SPATA7: variants seen among roughly 807,000 people sequenced by gnomAD.
The protein encoded by SPATA7 is spermatogenesis-associated protein 7.
Under a neutral mutation model 51.8 loss-of-function variants are expected in SPATA7, and 43 were observed. That is an observed-to-expected ratio of 0.83 (90% CI 0.65 to 1.07). The LOEUF (loss-of-function observed/expected upper bound fraction) is 1.07, where lower values mean the gene tolerates loss of function less well. SPATA7 is among the 50% of genes least tolerant of loss of function. The pLI, the probability that SPATA7 is intolerant of heterozygous loss-of-function variation, is 0.00. For missense variants in SPATA7, 683 were observed against 701.3 expected (o/e 0.97, Z 0.30); for synonymous variants, 230 against 252.8 (o/e 0.91, Z 0.86).
downstream of SPATA7, among the ~76,000 whole-genome samples, chr14:88,456,115 T>C (rs1449480193): frequency 1.3e-5 from 2 of 152,106 alleles, no homozygotes; most frequent in Admixed American, 6.5e-5. Flanking sequence ...TTCCTTAATC[T>C]AGTCTATCAT....
rs544866788 is a variant in SPATA7 at position 88,469,694 on chromosome 14, G to A, written c.255-153G>A. On this transcript the variant is annotated intron_variant, in intron 4 of 4. Coordinates refer to the SPATA7 transcript ENST00000556406. This position sits in a 1 kb window ranked among gnomAD's most constrained non-coding sequence, Gnocchi z 4.3. ...GTGACAGTGTTGTGCCTGGAACCAAGTCGTGGCCAGTACCTAAAGCTCTTC... is the reference window on the plus strand; with the variant it reads ...GTGACAGTGTTGTGCCTGGAACCAAATCGTGGCCAGTACCTAAAGCTCTTC... The A allele has an allele frequency of 5.6e-6, 9 of 1,614,056 alleles. No individual in the cohort carries two copies. Among genetic ancestry groups the A allele is most frequent in the Non-Finnish European group, 7.6e-6 (9 of 1,180,048 alleles).
downstream of SPATA7, among the ~76,000 whole-genome samples, chr14:88,443,145 A>C (rs1311777232): frequency 6.6e-6 from 1 of 152,186 alleles, no homozygotes; most frequent in East Asian, 1.9e-4. Context: ...TGGTTTCACC[A>C]TGTTGGCCAG....
chr14:88,448,086 A>G (rs994118017), intron 3 of SPATA7, among the ~76,000 whole-genome samples: 71 of 152,258 alleles, frequency 4.7e-4, no homozygotes, highest in African/African-American at 1.6e-3. Flanking sequence ...GTGTTTTCCA[A>G]CTTGGTTCCA....
chr14:88,452,174 A>G (rs1162704577), intron 3 of SPATA7, among the ~76,000 whole-genome samples: 1 of 152,132 alleles, frequency 6.6e-6, no homozygotes, highest in Non-Finnish European at 1.5e-5. Context: ...GCCAAACTGC[A>G]GTGATTGTTA....
chr14:88,431,050 C>T, intron 8 of SPATA7, 122 bp from the exon 9 acceptor site: 1 of 925,072 alleles, frequency 1.1e-6, no homozygotes, highest in Admixed American at 1.8e-5. Flanking sequence ...AATTCTGAAA[C>T]ACTTCTGGTT....
intron 4 of SPATA7, among the ~76,000 whole-genome samples, chr14:88,461,222 A>G (rs1282297292): frequency 6.6e-6 from 1 of 152,050 alleles, no homozygotes; most frequent in Non-Finnish European, 1.5e-5. Flanking sequence ...GAGAACCACT[A>G]TTCACTTCAA....
At chr14:88,406,339 T>A (rs780168167) in intron 4 of SPATA7, among the ~76,000 whole-genome samples, 2 of 151,948 alleles carry the variant, frequency 1.3e-5, no homozygotes, top group Non-Finnish European at 2.9e-5. Context: ...ACAAACCAAT[T>A]TTAGAACATT....
chr14:88,416,288 A>G (rs1440632678), intron 4 of SPATA7: 1 of 161,058 alleles, frequency 6.2e-6, no homozygotes, highest in African/African-American at 2.4e-5. Flanking sequence ...GTATTTGGTG[A>G]TTACATAGTC....
At chr14:88,456,542 A>C (rs1411657248), downstream of SPATA7, among the ~76,000 whole-genome samples, 1 of 152,116 alleles carries the variant, frequency 6.6e-6, no homozygotes, top group Non-Finnish European at 1.5e-5. Flanking sequence ...GTGTCTGTTC[A>C]TATCCTTCGC....
intron 10 of SPATA7, among the ~76,000 whole-genome samples, chr14:88,435,816 A>G (rs1458631736): frequency 6.6e-6 from 1 of 151,962 alleles, no homozygotes; most frequent in East Asian, 1.9e-4. Flanking sequence ...ACGTTTTTTT[A>G]TCCATTCATT....
downstream of SPATA7, among the ~76,000 whole-genome samples, chr14:88,457,059 G>C (rs1459161308): frequency 1.3e-5 from 2 of 152,126 alleles, no homozygotes; most frequent in East Asian, 1.9e-4. Context: ...ATTTCTGAGG[G>C]CTCTGTTCTG....
intron 3 of SPATA7, among the ~76,000 whole-genome samples, chr14:88,394,720 A>G (rs1308136857): frequency 6.6e-6 from 1 of 152,196 alleles, no homozygotes; most frequent in African/African-American, 2.4e-5. Flanking sequence ...GTTTAATTTT[A>G]TAAGAAACTA....
chr14:88,438,874 A>G (rs964292036), downstream of SPATA7, among the ~76,000 whole-genome samples: 1 of 152,198 alleles, frequency 6.6e-6, no homozygotes, highest in African/African-American at 2.4e-5. Flanking sequence ...TGCTAACAAG[A>G]TGGAGTCTTA....
downstream of SPATA7, among the ~76,000 whole-genome samples, chr14:88,459,231 A>G (rs926362457): frequency 3.3e-5 from 5 of 152,208 alleles, no homozygotes; most frequent in Admixed American, 3.3e-4. Context: ...GTAGATGTCT[A>G]TTAGGTCTGC....
chr14:88,446,142 A>G (rs970049344), intron 3 of SPATA7, among the ~76,000 whole-genome samples: 11 of 152,094 alleles, frequency 7.2e-5, no homozygotes, highest in Non-Finnish European at 1.2e-4. Context: ...TAAGCTATTG[A>G]TTATTGCCAC....
intron 4 of SPATA7, among the ~76,000 whole-genome samples, chr14:88,397,643 GAAA>G (rs762638350): frequency 8.5e-5 from 6 of 70,788 alleles, no homozygotes; most frequent in African/African-American, 2.2e-4. Context: ...GCTGTCTCAA[GAAA>G]AAAAAAAAAA....
rs750491423 is a variant in SPATA7 at position 88,393,482 on chromosome 14, G to A, written c.184G>A (p.Ala62Thr). ...TGTTCACTATAATAAAATCCTTTCAGCCAAAGGTAAAAATGTGCAAATGTG... is the reference window on the plus strand; with the variant it reads ...TGTTCACTATAATAAAATCCTTTCAACCAAAGGTAAAAATGTGCAAATGTG... The part of the protein sequence containing the change: ...MAVHYNKILS[A>T]KAAVDCSVPV... Residue 62 changes from alanine to threonine, a missense_variant, in exon 3 of 12, where the codon GCC becomes ACC. Coordinates refer to ENST00000393545, the MANE Select transcript of SPATA7 (RefSeq NM_018418.5). 14 of 1,595,048 alleles carry A rather than the reference G, an allele frequency of 8.8e-6. No individual in the cohort carries two copies. Among genetic ancestry groups the A allele is most frequent in the Non-Finnish European group, 1.1e-5 (13 of 1,168,612 alleles).
At chr14:88,445,772 A>C (rs1443103837) in intron 3 of SPATA7, among the ~76,000 whole-genome samples, 5 of 152,178 alleles carry the variant, frequency 3.3e-5, no homozygotes, top group Admixed American at 6.5e-5. Context: ...GGTTCTGTTT[A>C]TATGCTGGAT....
intron 3 of SPATA7, 63 bp from the exon 4 acceptor site, chr14:88,396,093 C>A: frequency 1.5e-6 from 2 of 1,328,738 alleles, no homozygotes; most frequent in Non-Finnish European, 2.2e-6. Flanking sequence ...GTGATTTCCA[C>A]ATTTGGTATT....
Sources: gnomAD v4.1 joint callset for allele counts (sites outside exome capture counted in the v4.1 genomes callset) on GRCh38, gnomAD v4.1.1 for gene constraint, Gnocchi (gnomAD v3.1) non-coding constraint, MANE v1.5 for transcripts, NCBI Gene and HGNC (gene_info 2026-07-23, HGNC 2026-07-21) for gene names.